Variants in MCM6 observed in about 807,000 individuals in gnomAD.
MCM6 encodes the protein DNA replication licensing factor MCM6.
MCM6 carries 46 observed loss-of-function variants against 94.3 expected under a neutral mutation model. That is an observed-to-expected ratio of 0.49 (90% CI 0.39 to 0.62). MCM6 has a LOEUF of 0.62. Among genes scored for constraint, MCM6 ranks in the 20% least tolerant of loss-of-function variants. MCM6 has a pLI of 0.00. For synonymous variants in MCM6, 335 were observed against 351.9 expected, an observed-to-expected ratio of 0.95 and a Z score of 0.54; for missense variants, 865 against 1,017.9, an observed-to-expected ratio of 0.85 and a Z score of 2.04.
At chr2:135,865,936 TAA>T (rs1326231854) in intron 6 of MCM6, among the ~76,000 whole-genome samples, 194 bp downstream of exon 6, 1 of 152,088 alleles carries the variant, frequency 6.6e-6, no homozygotes, top group Non-Finnish European at 1.5e-5. Context: ...ACCTCATCTC[TAA>T]AAAAGTTTTT....
intron 14 of MCM6, among the ~76,000 whole-genome samples, chr2:135,847,246 T>C (rs1274657354): frequency 6.6e-6 from 1 of 152,064 alleles, no homozygotes; most frequent in East Asian, 1.9e-4. Context: ...AGATCCTGTC[T>C]CTAGAAAAAA....
chr2:135,843,851 G>A (rs954556495), intron 16 of MCM6, among the ~76,000 whole-genome samples: 2 of 152,088 alleles, frequency 1.3e-5, no homozygotes, highest in Non-Finnish European at 2.9e-5. Context: ...ACTATTTGTA[G>A]GAGTGATCAA....
chr2:135,874,849 A>G (rs1218906537), intron 1 of MCM6, among the ~76,000 whole-genome samples: 1 of 152,232 alleles, frequency 6.6e-6, no homozygotes, highest in Non-Finnish European at 1.5e-5. Context: ...AGCCTTAAAA[A>G]GTAAGGAAAT....
chr2:135,876,265 A>G lies in MCM6; in HGVS notation c.101T>C (p.Leu34Ser). The G allele has an allele frequency of 6.2e-7, 1 of 1,603,866 alleles. No individual in the cohort carries two copies. The change falls in exon 1 of 17, where the codon TTG (leucine) becomes TCG (serine). Residue 34 changes from leucine (L) to serine (S), a missense_variant. By Grantham distance (145) the Leu-to-Ser change is moderately radical. This residue lies in a region of MCM6 where 404 missense variants were observed against 451.9 expected (regional missense o/e 0.89). Coordinates refer to ENST00000264156, the MANE Select transcript of MCM6 (RefSeq NM_005915.6). ...GGGGCGCTCGCCGACTTACTCCTCC[A>G]AGAAGTCCAGGAACAGTTTCTGGCA... ...EKCQKLFLDF[L>S]EEFQSSDGEI...
intron 9 of MCM6, 95 bp downstream of exon 9, chr2:135,859,202 GTTTT>G: frequency 9.5e-7 from 1 of 1,048,126 alleles, no homozygotes. Flanking sequence ...TGAGAATGCT[GTTTT>G]TAAGGACATC....
chr2:135,852,693 T>C, intron 12 of MCM6, 94 bp downstream of exon 12: 1 of 924,728 alleles, frequency 1.1e-6, no homozygotes, highest in Non-Finnish European at 1.5e-6. Context: ...CTAAGGTAGA[T>C]GACAGGTTCA....
chr2:135,864,460 G>A lies in MCM6; in HGVS notation c.1078+553C>T, dbSNP rs541701698. On this transcript the variant is annotated intron_variant, in intron 7 of 16. Transcript: ENST00000264156. Reference sequence around the variant, plus strand: ...AGCCTAGACAACATAGCAAAACCCCGTCTCTCTAAAACACATACACACACA... The same window carrying A: ...AGCCTAGACAACATAGCAAAACCCCATCTCTCTAAAACACATACACACACA... Among the ~76,000 whole-genome samples, 128 of 152,014 alleles carry A rather than the reference G, an allele frequency of 8.4e-4. 1 individual carries two copies. Among genetic ancestry groups the A allele is most frequent in the Admixed American group, 7.8e-3 (119 of 15,254 alleles).
chr2:135,845,843 A>G (rs1004650639), intron 15 of MCM6, among the ~76,000 whole-genome samples: 1 of 152,248 alleles, frequency 6.6e-6, no homozygotes, highest in Non-Finnish European at 1.5e-5. Flanking sequence ...TTTTGATAGT[A>G]TAGATTTCTA....
chr2:135,874,868 A>G (rs888227366), intron 1 of MCM6, among the ~76,000 whole-genome samples: 1 of 152,254 alleles, frequency 6.6e-6, no homozygotes, highest in Non-Finnish European at 1.5e-5. Flanking sequence ...ATTCTGACAC[A>G]TGCTACCTCG....
At chr2:135,844,499 ACTCC>A in intron 16 of MCM6, 42 bp downstream of exon 16, 1 of 1,402,348 alleles carries the variant, frequency 7.1e-7, no homozygotes, top group South Asian at 1.9e-5. Context: ...CAGGGCATGA[ACTCC>A]CTCCCTCCCT....
Position 135,865,057 on chromosome 2 carries a change from T to G in MCM6, c.1034A>C (p.Asn345Thr), listed in dbSNP as rs1189700537. ...GCTGGTACAAAGATTGTGGTATAGA[T>G]TTTTATCTTGACTCATCTCAAACAC... ...EKVFEMSQDK[N>T]LYHNLCTSLF... The change falls in exon 7 of 17, where the codon AAT becomes ACT. Residue 345 changes from asparagine (N) to threonine (T), a missense_variant. By Grantham distance (65) the Asn-to-Thr change is moderately conservative (BLOSUM62 0). Coordinates refer to ENST00000264156, the MANE Select transcript of MCM6 (RefSeq NM_005915.6). 1 of 1,564,708 alleles carries G rather than the reference T, an allele frequency of 6.4e-7. No individual in the cohort carries two copies. Among genetic ancestry groups the G allele is most frequent in the African/African-American group, 1.4e-5 (1 of 73,220 alleles).
chr2:135,876,272 C>A lies in MCM6; in HGVS notation c.94G>T (p.Asp32Tyr), dbSNP rs1341194126. ...TCGCCGACTTACTCCTCCAAGAAGT[C>A]CAGGAACAGTTTCTGGCACTTCTCG... ...VAEKCQKLFL[D>Y]FLEEFQSSDG... is the part of the protein sequence containing the mutation. Residue 32 changes from aspartate (D) to tyrosine (Y), a missense_variant, in exon 1 of 17, where the codon GAC becomes TAC. By Grantham distance (160) the Asp-to-Tyr change is radical. Transcript: ENST00000264156. 1 of 1,609,488 alleles carries A rather than the reference C, an allele frequency of 6.2e-7. No individual in the cohort carries two copies. The highest frequency in any genetic ancestry group is 1.1e-5 in the South Asian group (1 of 90,892).
In MCM6 at chr2:135,863,680, T is replaced by C. The variant is rs1680034266; in HGVS notation, c.1079-932A>G. Reference sequence around the variant, plus strand: ...AGGAGGTTGAGGCTGTAGTAGGCAATGTATGCTGTCACTGCACTCCAGCCT... The same window carrying C: ...AGGAGGTTGAGGCTGTAGTAGGCAACGTATGCTGTCACTGCACTCCAGCCT... On this transcript the variant is annotated intron_variant, in intron 7 of 16. Coordinates refer to ENST00000264156, the MANE Select transcript of MCM6 (RefSeq NM_005915.6). Among the ~76,000 whole-genome samples the C allele has an allele frequency of 2.0e-5, 3 of 151,882 alleles. No individual in the cohort carries two copies. In the South Asian group the frequency reaches 6.2e-4, roughly 32 times the overall value.
At chr2:135,867,528 T>C (rs1680120644) in intron 4 of MCM6, among the ~76,000 whole-genome samples, 1 of 152,184 alleles carries the variant, frequency 6.6e-6, no homozygotes. Flanking sequence ...TAAATAATAT[T>C]AAATTCATCT....
Position 135,866,241 on chromosome 2 carries a change from A to C in MCM6, c.818T>G (p.Val273Gly). Residue 273 changes from valine (V) to glycine (G), a missense_variant, in exon 6 of 17, where the codon GTT becomes GGT. This residue lies in a region of MCM6 where 404 missense variants were observed against 451.9 expected (regional missense o/e 0.89). Coordinates refer to ENST00000264156, the MANE Select transcript of MCM6 (RefSeq NM_005915.6). ...RAETNSRVSG[V>G]DGYETEGIRG... The stretch of plus-strand genomic sequence containing the variant: ...AATGCCTTCTGTCTCATATCCATCA[A>C]CACCACTGACACGGGAATTAGTTTC... 1 of 1,614,162 alleles carries C rather than the reference A, an allele frequency of 6.2e-7. No individual in the cohort carries two copies. The highest frequency in any genetic ancestry group is 1.1e-5 in the South Asian group (1 of 91,080).
chr2:135,858,761 T>C (rs1575363267), intron 9 of MCM6, among the ~76,000 whole-genome samples: 1 of 152,210 alleles, frequency 6.6e-6, no homozygotes, highest in African/African-American at 2.4e-5. Context: ...TACCTATAAC[T>C]TATATACACA....
At chr2:135,864,263 T>G (rs1467335876) in intron 7 of MCM6, among the ~76,000 whole-genome samples, 1 of 151,476 alleles carries the variant, frequency 6.6e-6, no homozygotes, top group Non-Finnish European at 1.5e-5. Context: ...CAACCAAGAG[T>G]CAGGAAAATG....
intron 1 of MCM6, among the ~76,000 whole-genome samples, chr2:135,873,736 AG>A (rs1680246006): frequency 6.6e-6 from 1 of 152,228 alleles, no homozygotes; most frequent in Admixed American, 6.5e-5. Flanking sequence ...GTCTGCGTCT[AG>A]GGAGTTAGAC....
At chr2:135,862,136 G>A (rs1221187282) in intron 8 of MCM6, among the ~76,000 whole-genome samples, 1 of 151,796 alleles carries the variant, frequency 6.6e-6, no homozygotes, top group African/African-American at 2.4e-5. Flanking sequence ...AAAGACAATT[G>A]TGAAAATGAC....
Sources: allele counts gnomAD v4.1 joint callset (sites outside exome capture counted in the v4.1 genomes callset), GRCh38; gene constraint gnomAD v4.1.1; regional missense constraint gnomAD v4.1.1; transcripts MANE v1.5; gene names NCBI Gene and HGNC (gene_info 2026-07-23, HGNC 2026-07-21).